FBXO36: variants seen among roughly 807,000 people sequenced by gnomAD.
FBXO36 encodes the protein F-box protein 36.
FBXO36 carries 18 observed loss-of-function variants against 17.0 expected under a neutral mutation model. The ratio of observed to expected loss-of-function variants is 1.06; its 90% CI spans 0.73 to 1.57. FBXO36 has a LOEUF of 1.57. Ranked by LOEUF, FBXO36 falls within the 40% of genes most tolerant of loss-of-function variation. The probability of loss-of-function intolerance (pLI) is 0.00; values close to 1 mark genes in which losing one functional copy is unlikely to be tolerated. For missense variants in FBXO36, 229 were observed against 221.9 expected, an observed-to-expected ratio of 1.03 and a Z score of -0.20; for synonymous variants, 83 against 85.3, an observed-to-expected ratio of 0.97 and a Z score of 0.15.
chr2:230,008,948 A>G (rs1292356240), intron 3 of FBXO36, among the ~76,000 whole-genome samples: 2 of 152,226 alleles, frequency 1.3e-5, no homozygotes, highest in Admixed American at 1.3e-4. Flanking sequence ...TTATGTGACT[A>G]TAATAGCTGT....
chr2:229,978,237 C>G (rs112805541), intron 2 of FBXO36, among the ~76,000 whole-genome samples: 10,236 of 152,004 alleles, frequency 0.067, 482 homozygotes, highest in Middle Eastern at 0.16. Flanking sequence ...CCAGTGAACC[C>G]TGATCATGCC....
At chr2:229,949,813 T>C (rs2077047743) in intron 1 of FBXO36, among the ~76,000 whole-genome samples, 1 of 152,078 alleles carries the variant, frequency 6.6e-6, no homozygotes, top group African/African-American at 2.4e-5. Flanking sequence ...TAGTCCCAGC[T>C]ACTCGGGAGG....
intron 1 of FBXO36, among the ~76,000 whole-genome samples, chr2:229,953,821 G>C (rs1205635386): frequency 6.6e-6 from 1 of 151,974 alleles, no homozygotes; most frequent in African/African-American, 2.4e-5. Context: ...AAAATTTAAA[G>C]TATTGAAAGC....
chr2:229,976,242 T>C lies in FBXO36; in HGVS notation c.98T>C (p.Val33Ala), dbSNP rs2106194664. 1 of 1,589,636 alleles carries C rather than the reference T, an allele frequency of 6.3e-7. No individual in the cohort carries two copies. The highest frequency in any genetic ancestry group is 8.6e-7 in the Non-Finnish European group (1 of 1,169,246). The stretch of plus-strand genomic sequence containing the variant: ...ATATCACTTTGTATTTAATTATAGG[T>C]AATCTTTAGATGGTGGAAGATCTCT... The part of the protein sequence containing the change: ...YYQLLVTRSQ[V>A]IFRWWKISLR... Residue 33 changes from valine (V) to alanine (A), a missense_variant and splice_region_variant, in exon 2 of 4, where the codon GTA (valine) becomes GCA (alanine). Coordinates refer to ENST00000283946, the MANE Select transcript of FBXO36 (RefSeq NM_174899.5).
intron 1 of FBXO36, among the ~76,000 whole-genome samples, chr2:229,930,702 G>A (rs993573953): frequency 6.6e-6 from 1 of 152,288 alleles, no homozygotes; most frequent in Admixed American, 6.5e-5. Context: ...AGTGAACCAC[G>A]ATTGCGCCAC....
intron 2 of FBXO36, among the ~76,000 whole-genome samples, chr2:229,981,701 CA>C (rs11326626): frequency 0.47 from 47,926 of 102,774 alleles, 8,304 homozygotes; most frequent in African/African-American, 0.6. Context: ...GACCCTGTCT[CA>C]AAAAAAAAAA....
At chr2:229,964,328 C>T (rs564390962) in intron 1 of FBXO36, among the ~76,000 whole-genome samples, 1 of 152,258 alleles carries the variant, frequency 6.6e-6, no homozygotes, top group Admixed American at 6.5e-5. Context: ...TGAAATTGTC[C>T]TCATACCTCT....
chr2:230,008,514 A>G (rs532624819), intron 3 of FBXO36, among the ~76,000 whole-genome samples: 7 of 152,298 alleles, frequency 4.6e-5, no homozygotes, highest in Non-Finnish European at 1.0e-4. Flanking sequence ...ATAATATAAA[A>G]CAAAACTGTA....
In FBXO36 at chr2:230,010,844, G is replaced by GA. The variant is rs767711569; in HGVS notation, c.527_528insA (p.Lys177GlufsTer48). On this transcript the variant is annotated frameshift_variant, in exon 4 of 4. Coordinates refer to ENST00000283946, the MANE Select transcript of FBXO36 (RefSeq NM_174899.5). LOFTEE classifies it low-confidence loss of function (END_TRUNC). ...CAGCTCCAGCGGCAGCTCCGCAAGA[G>GA]GAAACAAAAATATGGAAACCTGAGA... 14 of 1,613,344 alleles carry GA rather than the reference G, an allele frequency of 8.7e-6. No homozygotes were observed. The Admixed American group carries it at 2.3e-4, about 27-fold the overall frequency.
At chr2:229,990,078 C>T (rs1256302439) in intron 2 of FBXO36, among the ~76,000 whole-genome samples, 6 of 151,896 alleles carry the variant, frequency 4.0e-5, no homozygotes, top group Admixed American at 3.9e-4. Context: ...CCTGAACAGC[C>T]ACTTATCCTT....
At chr2:229,939,548 T>C (rs1577330161) in intron 1 of FBXO36, among the ~76,000 whole-genome samples, 1 of 151,626 alleles carries the variant, frequency 6.6e-6, no homozygotes, top group Non-Finnish European at 1.5e-5. Flanking sequence ...GAAGTGGAAG[T>C]TGGAGTGAGC....
chr2:229,933,688 ATGT>A (rs1197477992), intron 1 of FBXO36, among the ~76,000 whole-genome samples: 3 of 151,992 alleles, frequency 2.0e-5, no homozygotes, highest in East Asian at 1.9e-4. Context: ...GACCCCCTCT[ATGT>A]TGTTATTTTT....
chr2:230,011,607 T>TTA lies in FBXO36; in HGVS notation c.*724_*725insAT, dbSNP rs2077416561. 6.7e-6 allele frequency: 1 copy of TTA among 149,656 alleles called. No homozygotes were observed. The highest frequency in any genetic ancestry group is 2.5e-5 in the African/African-American group (1 of 40,776). The allele number at this position is 149,656 out of a possible 1,614,324, so 9.3% of individuals were successfully genotyped here. ...ACATTTCTTTTCTTTTCTTTTTTTTTTTTTTTTTGTATTTTCTTTTTAGTA... is the reference window on the plus strand; with the variant it reads ...ACATTTCTTTTCTTTTCTTTTTTTTTTATTTTTTTTGTATTTTCTTTTTAGTA... On this transcript the variant is annotated 3_prime_UTR_variant, in exon 4 of 4. Transcript: ENST00000283946.
chr2:229,998,829 GTC>G lies in FBXO36; in HGVS notation c.378+1910_378+1911del, dbSNP rs546234133. On this transcript the variant is annotated intron_variant, in intron 3 of 3. Coordinates refer to ENST00000283946, the MANE Select transcript of FBXO36 (RefSeq NM_174899.5). ...TTTTTTTTTTTTTTTTTGAGACCGA[GTC>G]TCTGTCTGTCGCCCAGGCTGAAGTG... Among the ~76,000 whole-genome samples the G allele has an allele frequency of 4.5e-3, 663 of 145,896 alleles. 7 individuals carry two copies. Among genetic ancestry groups the G allele is most frequent in the African/African-American group, 0.016 (636 of 39,390 alleles).
At chr2:230,005,661 C>CATTT (rs2077383425) in intron 3 of FBXO36, among the ~76,000 whole-genome samples, 1 of 152,082 alleles carries the variant, frequency 6.6e-6, no homozygotes, top group African/African-American at 2.4e-5. Context: ...TTCATTCATT[C>CATTT]ATTTATTCAT....
chr2:229,971,859 G>A (rs1386733631), intron 1 of FBXO36, among the ~76,000 whole-genome samples: 1 of 151,594 alleles, frequency 6.6e-6, no homozygotes, highest in Admixed American at 6.6e-5. Flanking sequence ...TTAATTTTTT[G>A]TAGAGACAGG....
Position 230,010,950 on chromosome 2 carries a change from T to G in FBXO36, c.*66T>G. Reference sequence around the variant, plus strand: ...TGTTTCTCTTCAGTGTCCAAATCTCTTCTGTCTCCTTTTCTTAAGAACTAA... The same window carrying G: ...TGTTTCTCTTCAGTGTCCAAATCTCGTCTGTCTCCTTTTCTTAAGAACTAA... On this transcript the variant is annotated 3_prime_UTR_variant, in exon 4 of 4. Transcript: ENST00000283946. The G allele has an allele frequency of 3.5e-6, 5 of 1,447,128 alleles. No homozygotes were observed. Among genetic ancestry groups the G allele is most frequent in the Non-Finnish European group, 3.7e-6 (4 of 1,078,128 alleles). The allele number at this position is 1,447,128 out of a possible 1,614,324, so 89.6% of individuals were successfully genotyped here. A position where few individuals can be genotyped will look rare whatever the true frequency, so the allele number is the denominator to read the frequency against.
intron 1 of FBXO36, 80 bp downstream of exon 1, chr2:229,922,689 G>A (rs2076777187): frequency 1.4e-6 from 2 of 1,465,630 alleles, no homozygotes; most frequent in South Asian, 1.2e-5. Flanking sequence ...GCTGTGCTAG[G>A]CCAAGAGCAA....
chr2:229,938,793 C>T (rs1232831595), intron 1 of FBXO36, among the ~76,000 whole-genome samples: 1 of 110,544 alleles, frequency 9.0e-6, no homozygotes, highest in Non-Finnish European at 1.8e-5. Context: ...GAGTTTCGCT[C>T]TTTTCGCCCA....
Sources: allele counts gnomAD v4.1 joint callset (sites outside exome capture counted in the v4.1 genomes callset), GRCh38; gene constraint gnomAD v4.1.1; transcripts MANE v1.5; gene names NCBI Gene and HGNC (gene_info 2026-07-23, HGNC 2026-07-21).